Variants in LRP1B observed in about 807,000 individuals in gnomAD.
LRP1B encodes LDL receptor related protein 1B.
A neutral mutation model predicts 556.6 loss-of-function variants in LRP1B; 217 were observed. The ratio of observed to expected loss-of-function variants is 0.39; its 90% CI spans 0.35 to 0.44. LRP1B has a LOEUF of 0.44. LRP1B is among the 20% of genes least tolerant of loss of function. The pLI, the probability that LRP1B is intolerant of heterozygous loss-of-function variation, is 1.00. For synonymous variants in LRP1B, 2,047 were observed against 1,865.8 expected (o/e 1.10, Z -2.50); for missense variants, 5,053 against 5,620.8 (o/e 0.90, Z 3.23).
intron 18 of LRP1B, among the ~76,000 whole-genome samples, chr2:140,966,620 G>C (rs544088541): frequency 6.6e-6 from 1 of 152,278 alleles, no homozygotes; most frequent in South Asian, 2.1e-4. Flanking sequence ...CCTTGCCCAT[G>C]CCTATGTCCT....
At chr2:141,229,979 A>T (rs1683398261) in intron 5 of LRP1B, among the ~76,000 whole-genome samples, 1 of 152,214 alleles carries the variant, frequency 6.6e-6, no homozygotes. Context: ...CTAGATAGTG[A>T]TTACTGAGCC....
At position 140,555,963 on chromosome 2, in the gene LRP1B, G is replaced by A. The variant is rs775114031; in HGVS notation, c.7195-13992C>T. 9.9e-5 allele frequency among the ~76,000 whole-genome samples: 15 copies of A among 152,078 alleles called. No individual in the cohort carries two copies. The Middle Eastern group carries it at 0.01, about 105-fold the overall frequency. ...ATACGATATGGACATTGGCTGGCCC[G>A]ATGCTTCTATTCACATACAATATTA... On this transcript the variant is annotated intron_variant, in intron 43 of 90. Coordinates refer to ENST00000389484, the MANE Select transcript of LRP1B (RefSeq NM_018557.3).
chr2:142,107,828 T>C (rs1706810069), intron 1 of LRP1B, among the ~76,000 whole-genome samples: 1 of 138,686 alleles, frequency 7.2e-6, no homozygotes, highest in Non-Finnish European at 1.5e-5. Flanking sequence ...GTATTTTTAG[T>C]AGAGACAGGG....
At chr2:141,993,476 A>G (rs1470436215) in intron 1 of LRP1B, among the ~76,000 whole-genome samples, 2 of 152,068 alleles carry the variant, frequency 1.3e-5, no homozygotes, top group African/African-American at 2.4e-5. Flanking sequence ...TCCCATTGGT[A>G]ATGCCTATCA....
intron 2 of LRP1B, among the ~76,000 whole-genome samples, chr2:141,756,768 C>A (rs1462547073): frequency 6.6e-6 from 1 of 152,052 alleles, no homozygotes. Flanking sequence ...TAGGTTCATA[C>A]CCTAGGAGCA....
At chr2:141,225,989 T>A (rs182849586) in intron 6 of LRP1B, among the ~76,000 whole-genome samples, 1 of 152,226 alleles carries the variant, frequency 6.6e-6, no homozygotes, top group Admixed American at 6.5e-5. Context: ...CATTTTTGCT[T>A]TGCTAACATG....
At chr2:140,614,692 C>T (rs956921969) in intron 41 of LRP1B, among the ~76,000 whole-genome samples, 4 of 152,032 alleles carry the variant, frequency 2.6e-5, no homozygotes, top group African/African-American at 4.8e-5. Flanking sequence ...TGTAATTGAG[C>T]ATTTATTGAG....
At chr2:141,000,985 A>T (rs1333353167) in intron 15 of LRP1B, among the ~76,000 whole-genome samples, 1 of 152,076 alleles carries the variant, frequency 6.6e-6, no homozygotes, top group Non-Finnish European at 1.5e-5. Flanking sequence ...AATGAAAGAA[A>T]TAGGAAATAT....
chr2:140,587,900 A>C (rs1682051523), intron 43 of LRP1B, among the ~76,000 whole-genome samples: 1 of 147,792 alleles, frequency 6.8e-6, no homozygotes. Context: ...TAGATATCTC[A>C]TCAGAAATCA....
intron 37 of LRP1B, among the ~76,000 whole-genome samples, chr2:140,713,321 T>G (rs1206393918): frequency 8.7e-6 from 1 of 115,070 alleles, no homozygotes; most frequent in Non-Finnish European, 2.0e-5. Context: ...GAAAAAGGTA[T>G]AGAATTTTTT....
chr2:140,788,049 T>C (rs1241853254), intron 32 of LRP1B, among the ~76,000 whole-genome samples: 2 of 152,202 alleles, frequency 1.3e-5, no homozygotes, highest in Non-Finnish European at 2.9e-5. Context: ...GCTGTGACAC[T>C]TACTCTCTGG....
intron 66 of LRP1B, among the ~76,000 whole-genome samples, chr2:140,431,549 G>A (rs1022990569): frequency 7.2e-5 from 11 of 152,014 alleles, no homozygotes; most frequent in African/African-American, 9.7e-5. Flanking sequence ...CTGATATATC[G>A]TGGTGCTATC....
chr2:140,841,212 A>G (rs979934546), intron 29 of LRP1B, 120 bp from the exon 30 acceptor site: 22 of 619,916 alleles, frequency 3.5e-5, no homozygotes, highest in African/African-American at 3.2e-4. Context: ...GTTAGCTAAA[A>G]TCGCACAAGA....
intron 41 of LRP1B, among the ~76,000 whole-genome samples, chr2:140,616,976 G>T (rs566626640): frequency 6.6e-6 from 1 of 151,748 alleles, no homozygotes; most frequent in Non-Finnish European, 1.5e-5. Flanking sequence ...AACAATCATA[G>T]TTAAAATTTA....
At chr2:140,734,679 C>T (rs917386401) in intron 35 of LRP1B, among the ~76,000 whole-genome samples, 2 of 151,978 alleles carry the variant, frequency 1.3e-5, no homozygotes, top group African/African-American at 4.8e-5. Context: ...ACAGATGGTC[C>T]CAGCTTCTGT....
chr2:140,595,090 ATATATAT>A (rs1558992045), intron 43 of LRP1B, among the ~76,000 whole-genome samples: 3 of 3,334 alleles, frequency 9.0e-4, no homozygotes, highest in Non-Finnish European at 2.1e-3. Context: ...TAAATTGAAT[ATATATAT>A]ATATATATAT....
Position 141,032,826 on chromosome 2 carries a change from C to CATACATACATATATATATATATAT in LRP1B, c.1790-12725_1790-12724insATATATATATATATATGTATGTAT. ...ATGTGTGTGTGTATATATATACATA[C>CATACATACATATATATATATATAT]ATATATATATATATGCAGGCATATG... On this transcript the variant is annotated intron_variant, in intron 11 of 90. Coordinates refer to ENST00000389484, the MANE Select transcript of LRP1B (RefSeq NM_018557.3). Among the ~76,000 whole-genome samples the CATACATACATATATATATATATAT allele has an allele frequency of 5.5e-5, 7 of 126,642 alleles. No individual in the cohort carries two copies. The East Asian group carries it at 1.0e-3, about 18-fold the overall frequency. 83.1% of individuals were successfully genotyped at this position (126,642 alleles called of 152,430 possible).
chr2:140,323,418 G>GCCAC (rs1680267208), intron 81 of LRP1B, among the ~76,000 whole-genome samples: 1 of 151,822 alleles, frequency 6.6e-6, no homozygotes, highest in Admixed American at 6.6e-5. Flanking sequence ...TTGATTAGTG[G>GCCAC]TAAGAGTCAA....
intron 23 of LRP1B, among the ~76,000 whole-genome samples, chr2:140,895,410 G>A (rs773402372): frequency 4.6e-5 from 7 of 152,130 alleles, no homozygotes; most frequent in African/African-American, 9.7e-5. Flanking sequence ...GAAGGGGGTG[G>A]CTCGTTTACT....
Sources: allele counts gnomAD v4.1 joint callset (sites outside exome capture counted in the v4.1 genomes callset), GRCh38; gene constraint gnomAD v4.1.1; transcripts MANE v1.5; gene names NCBI Gene and HGNC (gene_info 2026-07-23, HGNC 2026-07-21).